Variants in RNLS observed in about 807,000 individuals in gnomAD.
The protein encoded by RNLS is renalase, FAD dependent amine oxidase.
RNLS carries 39 observed loss-of-function variants against 39.8 expected under a neutral mutation model. That is an observed-to-expected ratio of 0.98 (90% CI 0.76 to 1.28). RNLS has a LOEUF of 1.28. Among genes scored for constraint, RNLS ranks in the 50% most tolerant of loss-of-function variants. RNLS has a pLI of 0.00. For synonymous variants in RNLS, 147 were observed against 150.7 expected (o/e 0.98, Z 0.18); for missense variants, 410 against 413.3 (o/e 0.99, Z 0.07).
chr10:88,202,645 G>C, the RNLS span, among the ~76,000 whole-genome samples: 34 of 152,262 alleles, frequency 2.2e-4, no homozygotes, highest in African/African-American at 7.9e-4. Context: ...ATTGTGATTT[G>C]TGTTTTCAAG....
chr10:88,396,008 AGG>A (rs1355869727), intron 4 of RNLS, among the ~76,000 whole-genome samples: 10 of 152,128 alleles, frequency 6.6e-5, no homozygotes, highest in Admixed American at 6.6e-4. Context: ...TCAGAAATGA[AGG>A]AGAAATCAAG....
chr10:88,261,748 A>T, the RNLS span, among the ~76,000 whole-genome samples: 51 of 152,328 alleles, frequency 3.3e-4, no homozygotes, highest in Middle Eastern at 3.4e-3. Context: ...CCCACATATT[A>T]GATAATTAAA....
At chr10:88,373,207 G>T (rs1356560934) in intron 4 of RNLS, among the ~76,000 whole-genome samples, 3 of 152,112 alleles carry the variant, frequency 2.0e-5, no homozygotes, top group Admixed American at 6.6e-5. Flanking sequence ...CCAAGGCAAT[G>T]ACTTGGAGAA....
chr10:88,517,491 C>T (rs570480544), intron 4 of RNLS, among the ~76,000 whole-genome samples: 14 of 151,806 alleles, frequency 9.2e-5, no homozygotes, highest in African/African-American at 3.4e-4. Flanking sequence ...TTGTCTCAAA[C>T]GTTTACTTTG....
chr10:88,385,068 T>G lies in RNLS; in HGVS notation c.527-22343A>C, dbSNP rs1290350758. Among the ~76,000 whole-genome samples the G allele has an allele frequency of 2.0e-5, 3 of 152,216 alleles. No homozygotes were observed. In the East Asian group the frequency reaches 5.8e-4, roughly 29 times the overall value. ...ATGATGTGAGGATTTTAAAAGACCA[T>G]GCATCAAAAGTACCTAAGATGAAGC... On this transcript the variant is annotated intron_variant, in intron 4 of 6. Transcript: ENST00000331772.
At chr10:88,209,929 AT>A in the RNLS span, among the ~76,000 whole-genome samples, 3 of 150,384 alleles carry the variant, frequency 2.0e-5, no homozygotes, top group Non-Finnish European at 4.5e-5. Flanking sequence ...AAACTTGCCT[AT>A]GGTCATGCAG....
intron 4 of RNLS, among the ~76,000 whole-genome samples, chr10:88,420,011 A>G (rs1854299061): frequency 7.4e-6 from 1 of 134,762 alleles, no homozygotes; most frequent in Non-Finnish European, 1.6e-5. Context: ...ACTCCATCTC[A>G]AAATAAATAA....
the RNLS span, among the ~76,000 whole-genome samples, chr10:88,220,823 T>C: frequency 3.9e-5 from 6 of 152,228 alleles, no homozygotes; most frequent in Non-Finnish European, 8.8e-5. Context: ...CATAATTATC[T>C]CATTCAATTT....
chr10:88,193,183 G>A, the RNLS span, among the ~76,000 whole-genome samples: 12 of 152,220 alleles, frequency 7.9e-5, no homozygotes, highest in Admixed American at 4.6e-4. Context: ...CTAGAGAGCC[G>A]AGTCTGCAGG....
intron 4 of RNLS, among the ~76,000 whole-genome samples, chr10:88,524,960 C>CACACACACACAT (rs1390204991): frequency 1.1e-5 from 1 of 88,970 alleles, no homozygotes; most frequent in African/African-American, 4.4e-5. Context: ...CACACACATA[C>CACACACACACAT]ATATATATAT....
At chr10:88,215,783 T>C in the RNLS span, among the ~76,000 whole-genome samples, 6 of 146,608 alleles carry the variant, frequency 4.1e-5, no homozygotes, top group Non-Finnish European at 4.5e-5. Context: ...CACTGCAATC[T>C]CCACCTCCCT....
At chr10:88,208,422 TAGTC>T in the RNLS span, among the ~76,000 whole-genome samples, 7 of 151,944 alleles carry the variant, frequency 4.6e-5, no homozygotes, top group Non-Finnish European at 7.4e-5. Context: ...TAAATGAAAA[TAGTC>T]AATAAAATTA....
At chr10:88,313,975 C>T (rs1365219466) in intron 6 of RNLS, among the ~76,000 whole-genome samples, 1 of 152,168 alleles carries the variant, frequency 6.6e-6, no homozygotes, top group African/African-American at 2.4e-5. Flanking sequence ...TATGCAGGTA[C>T]TTATCTCTCT....
At chr10:88,294,847 G>A (rs1458466173) in intron 6 of RNLS, among the ~76,000 whole-genome samples, 1 of 152,054 alleles carries the variant, frequency 6.6e-6, no homozygotes, top group East Asian at 1.9e-4. Flanking sequence ...GTGTTCAAAT[G>A]TTCTCTAAGG....
In RNLS at chr10:88,314,665, G is replaced by T. The variant is rs534747974; in HGVS notation, c.701-24C>A. 42 of 1,602,616 alleles carry T rather than the reference G, an allele frequency of 2.6e-5. No individual in the cohort carries two copies. The African/African-American group carries it at 3.5e-4, about 13-fold the overall frequency. Reference sequence around the variant, plus strand: ...CTCTGTGGCATAAGAGGATCATAAAGATGCATCTTAAAGTGGGTAGCAGGC... The same window carrying T: ...CTCTGTGGCATAAGAGGATCATAAATATGCATCTTAAAGTGGGTAGCAGGC... On this transcript the variant is annotated intron_variant, in intron 5 of 6. Coordinates refer to ENST00000331772, the MANE Select transcript of RNLS (RefSeq NM_001031709.3).
the RNLS span, among the ~76,000 whole-genome samples, chr10:88,256,596 C>T: frequency 2.0e-5 from 3 of 152,244 alleles, no homozygotes; most frequent in African/African-American, 7.2e-5. Context: ...CCTCACAAAC[C>T]TCCATTTGAA....
intron 4 of RNLS, among the ~76,000 whole-genome samples, chr10:88,381,258 T>TTAAC (rs759615432): frequency 1.3e-5 from 2 of 152,166 alleles, no homozygotes; most frequent in Non-Finnish European, 2.9e-5. Context: ...TTCTTGTATA[T>TTAAC]TAACATGGTA....
intron 4 of RNLS, among the ~76,000 whole-genome samples, chr10:88,422,922 T>A (rs1854493904): frequency 6.6e-6 from 1 of 152,042 alleles, no homozygotes; most frequent in African/African-American, 2.4e-5. Context: ...TCCATCTGGT[T>A]TTTAATTTTT....
At position 88,324,675 on chromosome 10, in the gene RNLS, C is replaced by T. The variant is rs538774015; in HGVS notation, c.701-10034G>A. On this transcript the variant is annotated intron_variant, in intron 5 of 6. Transcript: ENST00000331772. ...CCAAACGCCAGCATTACACAATATA[C>T]GCATGTAACAAATCTGCACAGGTGC... 9.5e-4 allele frequency among the ~76,000 whole-genome samples: 144 copies of T among 152,228 alleles called. 1 individual carries two copies. The highest frequency in any genetic ancestry group is 3.2e-3 in the African/African-American group (132 of 41,546).
Sources: allele counts gnomAD v4.1 joint callset (sites outside exome capture counted in the v4.1 genomes callset), GRCh38; gene constraint gnomAD v4.1.1; transcripts MANE v1.5; gene names NCBI Gene and HGNC (gene_info 2026-07-23, HGNC 2026-07-21).